Variants in PLCXD2 observed in about 807,000 individuals in gnomAD.
PLCXD2 encodes the protein PI-PLC X domain-containing protein 2.
In PLCXD2, 21 loss-of-function variants were observed where a neutral mutation model predicts 28.6. The ratio of observed to expected loss-of-function variants is 0.73; its 90% CI spans 0.52 to 1.06. PLCXD2 has a LOEUF of 1.06. Ranked by LOEUF, PLCXD2 falls within the 50% of genes least tolerant of loss-of-function variation. PLCXD2 has a pLI of 0.00. For synonymous variants in PLCXD2, 140 were observed against 150.1 expected, an observed-to-expected ratio of 0.93 and a Z score of 0.49; for missense variants, 369 against 376.7, an observed-to-expected ratio of 0.98 and a Z score of 0.17.
chr3:111,708,780 G>A (rs867736677), intron 2 of PLCXD2, among the ~76,000 whole-genome samples: 1 of 152,166 alleles, frequency 6.6e-6, no homozygotes, highest in Non-Finnish European at 1.5e-5. Context: ...GATAATCCTG[G>A]CCAAGGTATC....
At chr3:111,720,358 C>T (rs1282239292) in intron 3 of PLCXD2, among the ~76,000 whole-genome samples, 2 of 152,062 alleles carry the variant, frequency 1.3e-5, no homozygotes, top group Non-Finnish European at 2.9e-5. Context: ...TGATCTCAAA[C>T]TCCTGGATTC....
intron 1 of PLCXD2, among the ~76,000 whole-genome samples, chr3:111,683,924 T>C (rs1940754572): frequency 6.6e-6 from 1 of 152,068 alleles, no homozygotes; most frequent in African/African-American, 2.4e-5. Flanking sequence ...AGTGAGGATC[T>C]TGAAGAGAGG....
intron 1 of PLCXD2, among the ~76,000 whole-genome samples, chr3:111,676,006 C>CTGTA (rs1301649883): frequency 1.3e-5 from 2 of 152,138 alleles, no homozygotes; most frequent in African/African-American, 2.4e-5. Flanking sequence ...AGCTTTGTCT[C>CTGTA]TGTATGTATG....
rs751872957 is a variant in PLCXD2, at chr3:111,708,206, G to A, written c.444G>A (p.Ser148=). Residue 148 remains serine (S), a synonymous_variant, in exon 2 of 5, where the codon TCG becomes TCA. Coordinates refer to ENST00000477665, the MANE Select transcript of PLCXD2 (RefSeq NM_001185106.1). ...GGGATGGGCTGATGGAAATTGACTC[G>A]TTTCTTACACAGCACCCCCAGGAGA... 10 of 1,614,096 alleles carry A rather than the reference G, an allele frequency of 6.2e-6. No individual in the cohort carries two copies. The highest frequency in any genetic ancestry group is 1.6e-4 in the Middle Eastern group (1 of 6,062).
intron 1 of PLCXD2, among the ~76,000 whole-genome samples, chr3:111,683,645 T>G (rs1940750116): frequency 6.6e-6 from 1 of 152,188 alleles, no homozygotes; most frequent in Admixed American, 6.5e-5. Context: ...TGATGATCAA[T>G]ACAGACATGG....
chr3:111,699,383 C>T (rs1941008948), intron 1 of PLCXD2, among the ~76,000 whole-genome samples: 1 of 152,120 alleles, frequency 6.6e-6, no homozygotes, highest in African/African-American at 2.4e-5. Context: ...TTTATTTGAG[C>T]TCAGAAAATG....
At chr3:111,713,232 G>C (rs1378818453) in intron 2 of PLCXD2, among the ~76,000 whole-genome samples, 1 of 152,220 alleles carries the variant, frequency 6.6e-6, no homozygotes, top group African/African-American at 2.4e-5. Flanking sequence ...AGAGGGATAT[G>C]AGGGTAGAAT....
intron 1 of PLCXD2, among the ~76,000 whole-genome samples, chr3:111,699,678 G>A (rs903563217): frequency 6.6e-5 from 10 of 152,186 alleles, no homozygotes; most frequent in South Asian, 4.1e-4. Context: ...CTCTCTTCCC[G>A]TGTGACTTTG....
intron 3 of PLCXD2, chr3:111,725,105 C>T (rs1422088856): frequency 6.6e-6 from 1 of 152,158 alleles, no homozygotes; most frequent in African/African-American, 2.4e-5. Flanking sequence ...CTTTGATGAT[C>T]CATATAATGA....
chr3:111,707,247 G>A (rs538035472), intron 1 of PLCXD2, among the ~76,000 whole-genome samples: 1 of 152,168 alleles, frequency 6.6e-6, no homozygotes, highest in Non-Finnish European at 1.5e-5. Context: ...TAGCTGATCT[G>A]TCAATAAATC....
At chr3:111,701,703 T>C (rs1941046415) in intron 1 of PLCXD2, among the ~76,000 whole-genome samples, 1 of 152,166 alleles carries the variant, frequency 6.6e-6, no homozygotes, top group Admixed American at 6.5e-5. Flanking sequence ...TGACAGGCAA[T>C]GAGTCTATCA....
At chr3:111,684,175 C>G (rs112218621) in intron 1 of PLCXD2, among the ~76,000 whole-genome samples, 1 of 151,568 alleles carries the variant, frequency 6.6e-6, no homozygotes, top group Non-Finnish European at 1.5e-5. Context: ...ACTAAAAATA[C>G]AAAAATTAGC....
intron 2 of PLCXD2, among the ~76,000 whole-genome samples, chr3:111,710,232 T>C (rs1941182128): frequency 1.3e-5 from 2 of 152,216 alleles, no homozygotes; most frequent in Non-Finnish European, 2.9e-5. Flanking sequence ...ACTAAGACTT[T>C]TGTAAGTGAT....
chr3:111,707,955 G>A lies in PLCXD2; in HGVS notation c.193G>A (p.Asp65Asn), dbSNP rs1257727107. The stretch of plus-strand genomic sequence containing the variant: ...ACATGATTCATTCAGCTACTGGGTG[G>A]ATGAAAAGTCCCCAGTGGGGCCTGA... Residue 65 changes from aspartate to asparagine, a missense_variant, in exon 2 of 5, where the codon GAT becomes AAT. Physicochemically the swap from Asp to Asn is conservative, Grantham distance 23. Transcript: ENST00000477665. 7 of 1,613,962 alleles carry A rather than the reference G, an allele frequency of 4.3e-6. No homozygotes were observed. The highest frequency in any genetic ancestry group is 5.9e-6 in the Non-Finnish European group (7 of 1,179,936).
rs564407983 is a variant in PLCXD2, at chr3:111,697,027, T to C, written c.164-10899T>C. Among the ~76,000 whole-genome samples, 9 of 152,282 alleles carry C rather than the reference T, an allele frequency of 5.9e-5. No homozygotes were observed. The East Asian group carries it at 9.6e-4, about 16-fold the overall frequency. On this transcript the variant is annotated intron_variant, in intron 1 of 4. Coordinates refer to ENST00000477665, the MANE Select transcript of PLCXD2 (RefSeq NM_001185106.1). Reference sequence around the variant, plus strand: ...CAGTTTTAGTGCCAACATGTACACATAGACATGCACATAAATACTTTGGTA... The same window carrying C: ...CAGTTTTAGTGCCAACATGTACACACAGACATGCACATAAATACTTTGGTA...
chr3:111,679,693 C>T (rs926239970), intron 1 of PLCXD2, among the ~76,000 whole-genome samples: 8 of 152,126 alleles, frequency 5.3e-5, no homozygotes, highest in Admixed American at 6.5e-5. Flanking sequence ...CTTGTTATTG[C>T]GCATAATATT....
At chr3:111,679,032 G>C (rs1940670601) in intron 1 of PLCXD2, among the ~76,000 whole-genome samples, 1 of 151,954 alleles carries the variant, frequency 6.6e-6, no homozygotes, top group Admixed American at 6.6e-5. Flanking sequence ...CCTCCATAGA[G>C]ATATTTATAT....
chr3:111,713,173 G>C (rs1444097212), intron 2 of PLCXD2, among the ~76,000 whole-genome samples: 1 of 152,206 alleles, frequency 6.6e-6, no homozygotes, highest in African/African-American at 2.4e-5. Flanking sequence ...TCTAGACAGC[G>C]CTTGCTGCTC....
intron 1 of PLCXD2, among the ~76,000 whole-genome samples, chr3:111,688,813 A>C (rs1011465694): frequency 6.6e-6 from 1 of 152,198 alleles, no homozygotes; most frequent in Admixed American, 6.5e-5. Context: ...TAAACAAGAT[A>C]AATGTAAATT....
Sources: allele counts gnomAD v4.1 joint callset (sites outside exome capture counted in the v4.1 genomes callset), GRCh38; gene constraint gnomAD v4.1.1; transcripts MANE v1.5; gene names NCBI Gene and HGNC (gene_info 2026-07-23, HGNC 2026-07-21).